Variants in FOXL1 observed in about 807,000 individuals in gnomAD.
The protein encoded by FOXL1 is forkhead box L1, also known as forkhead box protein L1.
In FOXL1, 2 loss-of-function variants were observed where a neutral mutation model predicts 1.7. The observed-to-expected ratio is 1.21, with a 90% CI of 0.49 to 3.80. The LOEUF is 3.80. FOXL1 is among the 30% of genes most tolerant of loss of function. FOXL1 has a pLI of 0.07. For missense variants in FOXL1, 565 were observed against 495.8 expected (o/e 1.14, Z -1.32); for synonymous variants, 280 against 229.3 (o/e 1.22, Z -2.00).
At position 86,579,346 on chromosome 16, in the gene FOXL1, G is replaced by T; in HGVS notation, c.623G>T (p.Trp208Leu). 1 of 1,488,412 alleles carries T rather than the reference G, an allele frequency of 6.7e-7. No individual in the cohort carries two copies. The highest frequency in any genetic ancestry group is 8.9e-7 in the Non-Finnish European group (1 of 1,127,282). 92.2% of individuals were successfully genotyped at this position (1,488,412 alleles called of 1,614,324 possible). A position where few individuals can be genotyped will look rare whatever the true frequency, so the allele number is the denominator to read the frequency against. ...CCCTCTCCGCCGGCGCCCCTCCACT[G>T]GCCGGGGACCGCGTCCCCGAACGAG... ...DGPSPPAPLH[W>L]PGTASPNEDA... Residue 208 changes from tryptophan to leucine, a missense_variant, in exon 1 of 1, where the codon TGG becomes TTG. By Grantham distance (61) the Trp-to-Leu change is moderately conservative (BLOSUM62 -2). Coordinates refer to ENST00000320241, the MANE Select transcript of FOXL1 (RefSeq NM_005250.3).
chr16:86,582,549 G>A lies in FOXL1; in HGVS notation c.*2788G>A, dbSNP rs953954642. 2.6e-5 allele frequency among the ~76,000 whole-genome samples: 4 copies of A among 152,000 alleles called. No individual in the cohort carries two copies. The highest frequency in any genetic ancestry group is 1.3e-4 in the Admixed American group (2 of 15,266). On this transcript the variant is annotated 3_prime_UTR_variant, in exon 1 of 1. Coordinates refer to ENST00000320241, the MANE Select transcript of FOXL1 (RefSeq NM_005250.3). ...CACAAACAAATACCCACACACATAT[G>A]AGTGCACTGATCATAATGAGGATAT...
At position 86,580,714 on chromosome 16, in the gene FOXL1, G is replaced by C. The variant is rs1974401902; in HGVS notation, c.*953G>C. 6.0e-6 allele frequency: 1 copy of C among 167,000 alleles called. No homozygotes were observed. The highest frequency in any genetic ancestry group is 2.4e-5 in the African/African-American group (1 of 41,426). 10.3% of individuals were successfully genotyped at this position (167,000 alleles called of 1,614,324 possible). On this transcript the variant is annotated 3_prime_UTR_variant, in exon 1 of 1. Coordinates refer to ENST00000320241, the MANE Select transcript of FOXL1 (RefSeq NM_005250.3). ...GTGTGAGGGGAAGGGGATATGCCTT[G>C]GACAATGTCAGAGTTTTGATTTCCA...
chr16:86,579,512 A>G lies in FOXL1; in HGVS notation c.789A>G (p.Ile263Met). ...KSSDKSKSFSIDSILAGKQGQ... is the reference protein window; with the variant it reads ...KSSDKSKSFSMDSILAGKQGQ... Reference sequence around the variant, plus strand: ...CCGACAAGTCCAAGAGCTTCAGCATAGACAGCATCCTGGCGGGAAAGCAGG... The same window carrying G: ...CCGACAAGTCCAAGAGCTTCAGCATGGACAGCATCCTGGCGGGAAAGCAGG... Residue 263 changes from isoleucine to methionine, a missense_variant, in exon 1 of 1, where the codon ATA becomes ATG. Coordinates refer to ENST00000320241, the MANE Select transcript of FOXL1 (RefSeq NM_005250.3). 1 of 1,599,014 alleles carries G rather than the reference A, an allele frequency of 6.3e-7. No homozygotes were observed. The highest frequency in any genetic ancestry group is 8.5e-7 in the Non-Finnish European group (1 of 1,173,146).
Position 86,579,670 on chromosome 16 carries a change from C to T in FOXL1, c.947C>T (p.Pro316Leu), listed in dbSNP as rs780864241. The T allele has an allele frequency of 2.5e-6, 4 of 1,613,930 alleles. No individual in the cohort carries two copies. The highest frequency in any genetic ancestry group is 2.2e-5 in the East Asian group (1 of 44,870). ...PPFNASLMLDPHVQGGFYQLG... is the reference protein window; with the variant it reads ...PPFNASLMLDLHVQGGFYQLG... ...TTCAACGCTTCCCTGATGCTCGACC[C>T]GCATGTCCAGGGCGGCTTTTACCAG... Residue 316 changes from proline (P) to leucine (L), a missense_variant, in exon 1 of 1, where the codon CCG becomes CTG. Pro to Leu is a moderately conservative substitution (Grantham distance 98). Coordinates refer to ENST00000320241, the MANE Select transcript of FOXL1 (RefSeq NM_005250.3).
At position 86,583,046 on chromosome 16, in the gene FOXL1, C is replaced by T. The variant is rs554021034; in HGVS notation, c.*3285C>T. On this transcript the variant is annotated 3_prime_UTR_variant, in exon 1 of 1. Transcript: ENST00000320241. ...AGTTGCTGGCTTTTCTAGAAACAAA[C>T]GGCCTCCTGGGCCTCCAGTGAACCA... Among the ~76,000 whole-genome samples the T allele has an allele frequency of 5.1e-4, 77 of 149,626 alleles. No homozygotes were observed. The highest frequency in any genetic ancestry group is 3.4e-3 in the Middle Eastern group (1 of 294).
Position 86,578,625 on chromosome 16 carries a change from G to C in FOXL1, c.-99G>C. On this transcript the variant is annotated 5_prime_UTR_variant, in exon 1 of 1. Transcript: ENST00000320241. ...GCGGCAGAGCCAGAGGCAGAGGCAC[G>C]GCTGGCTCCCCGGGAGGGCCCTTGC... 2 of 1,062,566 alleles carry C rather than the reference G, an allele frequency of 1.9e-6. No individual in the cohort carries two copies. Among genetic ancestry groups the C allele is most frequent in the Non-Finnish European group, 2.7e-6 (2 of 744,904 alleles). The allele number at this position is 1,062,566 out of a possible 1,614,324, so 65.8% of individuals were successfully genotyped here.
At position 86,583,411 on chromosome 16, in the gene FOXL1, A is replaced by G. The variant is rs935139245; in HGVS notation, c.*3650A>G. Among the ~76,000 whole-genome samples, 5 of 152,200 alleles carry G rather than the reference A, an allele frequency of 3.3e-5. No individual in the cohort carries two copies. The highest frequency in any genetic ancestry group is 1.2e-4 in the African/African-American group (5 of 41,432). On this transcript the variant is annotated 3_prime_UTR_variant, in exon 1 of 1. Transcript: ENST00000320241. ...CATGAAATAAAGGTTGTTTCATAGA[A>G]TGAAAAACATAAATGATAAAAAGCA...
rs970136803 is a variant in FOXL1, at chr16:86,579,988, C to T, written c.*227C>T. ...CAGCTACGGAGACTTAAAAGATCCC[C>T]GCGGGGTCGTGGGCACCGCACGTGG... On this transcript the variant is annotated 3_prime_UTR_variant, in exon 1 of 1. Coordinates refer to ENST00000320241, the MANE Select transcript of FOXL1 (RefSeq NM_005250.3). The T allele has an allele frequency of 8.4e-6, 5 of 593,932 alleles. No individual in the cohort carries two copies. Among genetic ancestry groups the T allele is most frequent in the Middle Eastern group, 4.6e-4 (1 of 2,164 alleles). The allele number at this position is 593,932 out of a possible 1,614,324, so 36.8% of individuals were successfully genotyped here.
At position 86,580,964 on chromosome 16, in the gene FOXL1, C is replaced by T. The variant is rs1974405211; in HGVS notation, c.*1203C>T. 1 of 167,148 alleles carries T rather than the reference C, an allele frequency of 6.0e-6. No individual in the cohort carries two copies. The highest frequency in any genetic ancestry group is 1.5e-5 in the Non-Finnish European group (1 of 68,196). 10.4% of individuals were successfully genotyped at this position (167,148 alleles called of 1,614,324 possible). On this transcript the variant is annotated 3_prime_UTR_variant, in exon 1 of 1. Transcript: ENST00000320241. Reference sequence around the variant, plus strand: ...TGATGGCAGGAATCTCCCAGACACTCCTGGCCCCCGCACCCCCTGCAGCCG... The same window carrying T: ...TGATGGCAGGAATCTCCCAGACACTTCTGGCCCCCGCACCCCCTGCAGCCG...
In FOXL1 at chr16:86,579,929, T is replaced by C; in HGVS notation, c.*168T>C. Reference sequence around the variant, plus strand: ...GCGCAGGTGGGCGCGCTCGCCTGCCTTCTCCGAAGCAAACTTTTCCCAGCA... The same window carrying C: ...GCGCAGGTGGGCGCGCTCGCCTGCCCTCTCCGAAGCAAACTTTTCCCAGCA... On this transcript the variant is annotated 3_prime_UTR_variant, in exon 1 of 1. Coordinates refer to ENST00000320241, the MANE Select transcript of FOXL1 (RefSeq NM_005250.3). 1.5e-6 allele frequency: 1 copy of C among 676,984 alleles called. No homozygotes were observed. The highest frequency in any genetic ancestry group is 2.5e-6 in the Non-Finnish European group (1 of 395,058). The allele number at this position is 676,984 out of a possible 1,614,324, so 41.9% of individuals were successfully genotyped here.
chr16:86,579,776 C>G lies in FOXL1; in HGVS notation c.*15C>G, dbSNP rs200228439. 4 of 1,603,644 alleles carry G rather than the reference C, an allele frequency of 2.5e-6. No individual in the cohort carries two copies. Among genetic ancestry groups the G allele is most frequent in the Non-Finnish European group, 3.4e-6 (4 of 1,172,140 alleles). ...ACTTCCAGTAAAGCAAACAATGGCA[C>G]GGTTCTTCTCCCGGCCCAGCCTGAG... On this transcript the variant is annotated 3_prime_UTR_variant, in exon 1 of 1. Coordinates refer to ENST00000320241, the MANE Select transcript of FOXL1 (RefSeq NM_005250.3).
chr16:86,579,673 A>T lies in FOXL1; in HGVS notation c.950A>T (p.His317Leu), dbSNP rs548926439. Residue 317 changes from histidine to leucine, a missense_variant, in exon 1 of 1, where the codon CAT becomes CTT. Physicochemically the swap from His to Leu is moderately conservative, Grantham distance 99. Transcript: ENST00000320241. Reference sequence around the variant, plus strand: ...AACGCTTCCCTGATGCTCGACCCGCATGTCCAGGGCGGCTTTTACCAGCTC... The same window carrying T: ...AACGCTTCCCTGATGCTCGACCCGCTTGTCCAGGGCGGCTTTTACCAGCTC... ...PFNASLMLDP[H>L]VQGGFYQLGI... 1.9e-6 allele frequency: 3 copies of T among 1,613,784 alleles called. No individual in the cohort carries two copies. Among genetic ancestry groups the T allele is most frequent in the Non-Finnish European group, 2.5e-6 (3 of 1,179,982 alleles).
chr16:86,578,897 C>T lies in FOXL1; in HGVS notation c.174C>T (p.Ile58=), dbSNP rs1974373485. 1 of 1,614,172 alleles carries T rather than the reference C, an allele frequency of 6.2e-7. No homozygotes were observed. The highest frequency in any genetic ancestry group is 1.7e-5 in the Admixed American group (1 of 60,038). ...QKPPYSYIAL[I]AMAIQDAPEQ... ...CTCCCTACAGCTACATCGCGCTCAT[C>T]GCCATGGCGATCCAGGACGCGCCCG... is the stretch of plus-strand genomic sequence containing the variant. Residue 58 remains isoleucine (I), a synonymous_variant, in exon 1 of 1, where the codon ATC becomes ATT. Transcript: ENST00000320241.
At position 86,578,624 on chromosome 16, in the gene FOXL1, C is replaced by CGGCT; in HGVS notation, c.-95_-92dup. ...AGCGGCAGAGCCAGAGGCAGAGGCACGGCTGGCTCCCCGGGAGGGCCCTTG... is the reference window on the plus strand; with the variant it reads ...AGCGGCAGAGCCAGAGGCAGAGGCACGGCTGGCTGGCTCCCCGGGAGGGCCCTTG... On this transcript the variant is annotated 5_prime_UTR_variant, in exon 1 of 1. The change abolishes the stop of an existing upstream ORF in the 5' untranslated region. Transcript: ENST00000320241. The CGGCT allele has an allele frequency of 9.5e-7, 1 of 1,051,134 alleles. No homozygotes were observed. The highest frequency in any genetic ancestry group is 1.6e-5 in the South Asian group (1 of 63,340). The allele number at this position is 1,051,134 out of a possible 1,614,324, so 65.1% of individuals were successfully genotyped here.
chr16:86,580,036 G>A lies in FOXL1; in HGVS notation c.*275G>A, dbSNP rs947642598. ...TGGGCCCTGCAGGGACCTCCACCGC[G>A]GGAGATTCCTTGACGTTTGACCTGT... On this transcript the variant is annotated 3_prime_UTR_variant, in exon 1 of 1. Coordinates refer to ENST00000320241, the MANE Select transcript of FOXL1 (RefSeq NM_005250.3). 7.7e-6 allele frequency: 4 copies of A among 520,264 alleles called. No homozygotes were observed. Among genetic ancestry groups the A allele is most frequent in the African/African-American group, 5.7e-5 (3 of 52,278 alleles). 32.2% of individuals were successfully genotyped at this position (520,264 alleles called of 1,614,324 possible). A position where few individuals can be genotyped will look rare whatever the true frequency, so the allele number is the denominator to read the frequency against.
chr16:86,579,573 G>A lies in FOXL1; in HGVS notation c.850G>A (p.Gly284Ser), dbSNP rs181086974. Residue 284 changes from glycine to serine, a missense_variant, in exon 1 of 1, where the codon GGT becomes AGT. By Grantham distance (56) the Gly-to-Ser change is moderately conservative. Transcript: ENST00000320241. ...KPPSGDELLG[G>S]AKPGPGGRLG... ...GCCTTCAGGGGACGAACTCCTAGGG[G>A]GTGCCAAGCCTGGGCCCGGCGGCCG... is the stretch of plus-strand genomic sequence containing the variant. 4.6e-5 allele frequency: 74 copies of A among 1,613,000 alleles called. No homozygotes were observed. The African/African-American group carries it at 8.9e-4, about 19-fold the overall frequency.
rs1314146215 is a variant in FOXL1, at chr16:86,581,471, T to C, written c.*1710T>C. 1.8e-5 allele frequency: 3 copies of C among 167,126 alleles called. No individual in the cohort carries two copies. The highest frequency in any genetic ancestry group is 7.2e-5 in the African/African-American group (3 of 41,466). 10.4% of individuals were successfully genotyped at this position (167,126 alleles called of 1,614,324 possible). ...GTGACTTTTGGAAAATTCATTCTCC[T>C]ATCCATGCTGAACCAGGCTTCCACG... On this transcript the variant is annotated 3_prime_UTR_variant, in exon 1 of 1. Coordinates refer to ENST00000320241, the MANE Select transcript of FOXL1 (RefSeq NM_005250.3).
Position 86,579,131 on chromosome 16 carries a change from C to T in FOXL1, c.408C>T (p.Gly136=), listed in dbSNP as rs760840650. ...GCTGCCTGGACATGTTTGAGAACGG[C>T]AACTACCGGCGCCGGAAGAGGAAGC... ...DPRCLDMFEN[G]NYRRRKRKPK... The change falls in exon 1 of 1, where the codon GGC becomes GGT. Residue 136 remains glycine (G), a synonymous_variant. Coordinates refer to ENST00000320241, the MANE Select transcript of FOXL1 (RefSeq NM_005250.3). 6.2e-7 allele frequency: 1 copy of T among 1,613,564 alleles called. No individual in the cohort carries two copies. The highest frequency in any genetic ancestry group is 8.5e-7 in the Non-Finnish European group (1 of 1,179,954).
chr16:86,583,159 T>C lies in FOXL1; in HGVS notation c.*3398T>C, dbSNP rs1974432985. ...TGAATGGTGGTCTTCACCATTTCAC[T>C]CAAAGTGGTGAGTGTATGCCCGTGT... is the stretch of plus-strand genomic sequence containing the variant. On this transcript the variant is annotated 3_prime_UTR_variant, in exon 1 of 1. Coordinates refer to ENST00000320241, the MANE Select transcript of FOXL1 (RefSeq NM_005250.3). Among the ~76,000 whole-genome samples, 1 of 151,808 alleles carries C rather than the reference T, an allele frequency of 6.6e-6. No individual in the cohort carries two copies. The highest frequency in any genetic ancestry group is 2.4e-5 in the African/African-American group (1 of 41,262).
Sources: allele counts gnomAD v4.1 joint callset (sites outside exome capture counted in the v4.1 genomes callset), GRCh38; gene constraint gnomAD v4.1.1; transcripts MANE v1.5; gene names NCBI Gene and HGNC (gene_info 2026-07-23, HGNC 2026-07-21).